The following EXOC6 variants were observed in gnomAD, a reference collection of about 807,000 sequenced individuals.
EXOC6 encodes exocyst complex component 6.
In EXOC6, 60 loss-of-function variants were observed where a neutral mutation model predicts 112.5. That is an observed-to-expected ratio of 0.53 (90% confidence interval 0.43 to 0.66). The LOEUF (loss-of-function observed/expected upper bound fraction) is 0.66. EXOC6 is among the 30% of genes least tolerant of loss of function. The pLI is 0.00. For synonymous variants in EXOC6, 295 were observed against 308.0 expected, an observed-to-expected ratio of 0.96 and a Z score of 0.44; for missense variants, 855 against 957.1, an observed-to-expected ratio of 0.89 and a Z score of 1.41.
At chr10:92,954,019 G>A (rs1015108717) in intron 15 of EXOC6, among the ~76,000 whole-genome samples, 10 of 152,140 alleles carry the variant, frequency 6.6e-5, no homozygotes, top group African/African-American at 1.7e-4. Flanking sequence ...GGTGCCTGAC[G>A]TCTGTAATCC....
At chr10:93,025,663 TTGAA>T (rs1009933083) in intron 20 of EXOC6, among the ~76,000 whole-genome samples, 14 of 152,228 alleles carry the variant, frequency 9.2e-5, no homozygotes, top group African/African-American at 2.7e-4. Context: ...GGTCATTCCT[TTGAA>T]TGATATGTAG....
chr10:93,002,375 T>C (rs1397247159), intron 19 of EXOC6, among the ~76,000 whole-genome samples: 1 of 152,232 alleles, frequency 6.6e-6, no homozygotes, highest in Non-Finnish European at 1.5e-5. Context: ...TTCATATCCT[T>C]AGATACAGAA....
intron 8 of EXOC6, among the ~76,000 whole-genome samples, chr10:92,924,571 T>C (rs1433505306): frequency 2.0e-5 from 3 of 152,236 alleles, no homozygotes; most frequent in Admixed American, 2.0e-4. Context: ...ACCATTCTCT[T>C]TTGTTAAACA....
chr10:92,939,026 G>A (rs1410595277), intron 12 of EXOC6, among the ~76,000 whole-genome samples: 1 of 152,112 alleles, frequency 6.6e-6, no homozygotes, highest in Non-Finnish European at 1.5e-5. Context: ...GTGAAACTGA[G>A]CAGCTTGATG....
At chr10:93,016,370 G>A (rs1844514795) in intron 20 of EXOC6, among the ~76,000 whole-genome samples, 1 of 151,804 alleles carries the variant, frequency 6.6e-6, no homozygotes, top group Non-Finnish European at 1.5e-5. Flanking sequence ...CGAACTCCCG[G>A]CATCAAGTGA....
rs915128286 is a variant in EXOC6 at position 92,853,684 on chromosome 10, A to T, written c.101+5050A>T. 5.3e-5 allele frequency among the ~76,000 whole-genome samples: 8 copies of T among 152,212 alleles called. No individual in the cohort carries two copies. In the South Asian group the frequency reaches 1.0e-3, roughly 20 times the overall value. On this transcript the variant is annotated intron_variant, in intron 1 of 21. Transcript: ENST00000260762. Reference sequence around the variant, plus strand: ...GGTGGTGGAAAAATTGGATATCCTTACATAAAATAATGAACTTTGATCCAT... The same window carrying T: ...GGTGGTGGAAAAATTGGATATCCTTTCATAAAATAATGAACTTTGATCCAT...
intron 1 of EXOC6, among the ~76,000 whole-genome samples, chr10:92,827,156 A>G (rs1305948403): frequency 1.3e-5 from 2 of 152,116 alleles, no homozygotes; most frequent in Non-Finnish European, 2.9e-5. Context: ...GGTGCATTCC[A>G]TGGCCCACAC....
chr10:92,827,349 C>T (rs1282683567), intron 1 of EXOC6, among the ~76,000 whole-genome samples: 1 of 151,508 alleles, frequency 6.6e-6, no homozygotes, highest in East Asian at 1.9e-4. Flanking sequence ...TGGCATATTC[C>T]TGTGGTTTCA....
At chr10:93,032,015 T>C (rs1209401174) in intron 20 of EXOC6, among the ~76,000 whole-genome samples, 2 of 152,244 alleles carry the variant, frequency 1.3e-5, no homozygotes, top group East Asian at 1.9e-4. Flanking sequence ...ACCACTCTTA[T>C]GTTCTACCAC....
intron 1 of EXOC6, among the ~76,000 whole-genome samples, chr10:92,838,143 C>T (rs768120010): frequency 1.2e-4 from 19 of 152,142 alleles, no homozygotes; most frequent in African/African-American, 1.7e-4. Context: ...GGTAACTGAA[C>T]GGCACTTCTT....
At chr10:92,916,548 C>G (rs1851100565) in intron 7 of EXOC6, among the ~76,000 whole-genome samples, 1 of 152,034 alleles carries the variant, frequency 6.6e-6, no homozygotes, top group African/African-American at 2.4e-5. Context: ...CTTACAAGGT[C>G]AATCCAAAAC....
At chr10:92,968,181 C>A (rs1050252275) in intron 17 of EXOC6, among the ~76,000 whole-genome samples, 1 of 75,228 alleles carries the variant, frequency 1.3e-5, no homozygotes, top group Non-Finnish European at 2.4e-5. Flanking sequence ...TAGTGTTTCA[C>A]CTTTTTTTTT....
chr10:92,960,812 C>T (rs928640459), intron 17 of EXOC6, among the ~76,000 whole-genome samples: 5 of 152,056 alleles, frequency 3.3e-5, no homozygotes, highest in African/African-American at 7.2e-5. Flanking sequence ...TTCTTTTACT[C>T]AGCAGGAGTT....
intron 1 of EXOC6, among the ~76,000 whole-genome samples, chr10:92,884,146 G>A (rs1849094110): frequency 6.6e-6 from 1 of 152,082 alleles, no homozygotes; most frequent in Non-Finnish European, 1.5e-5. Context: ...TGATTCACCT[G>A]CCTTGGCCTC....
intron 1 of EXOC6, among the ~76,000 whole-genome samples, chr10:92,885,209 G>A (rs941272500): frequency 6.6e-6 from 1 of 152,108 alleles, no homozygotes; most frequent in Admixed American, 6.5e-5. Context: ...TTCAAGGGTT[G>A]ATATAATGAA....
intron 8 of EXOC6, among the ~76,000 whole-genome samples, chr10:92,926,828 C>T (rs754996383): frequency 8.5e-5 from 13 of 152,174 alleles, no homozygotes; most frequent in East Asian, 1.9e-4. Context: ...CTACTGTGCC[C>T]GGCCCCATAT....
At chr10:92,848,716 C>T (rs1847168593) in intron 1 of EXOC6, 82 bp downstream of exon 1, 2 of 1,112,894 alleles carry the variant, frequency 1.8e-6, no homozygotes, top group Non-Finnish European at 2.2e-6. Flanking sequence ...CGTCCGCCGC[C>T]GGCCGCGCGC....
chr10:92,879,547 T>C (rs1848846024), intron 1 of EXOC6, among the ~76,000 whole-genome samples: 1 of 151,818 alleles, frequency 6.6e-6, no homozygotes, highest in African/African-American at 2.4e-5. Flanking sequence ...TATCCTCATA[T>C]ATGACATCTA....
At chr10:92,993,680 T>C (rs913979064) in intron 18 of EXOC6, among the ~76,000 whole-genome samples, 2 of 152,218 alleles carry the variant, frequency 1.3e-5, no homozygotes, top group African/African-American at 4.8e-5. Context: ...TTTTATGATA[T>C]TTCACAGGAA....
Sources: allele counts gnomAD v4.1 joint callset (sites outside exome capture counted in the v4.1 genomes callset), GRCh38; gene constraint gnomAD v4.1.1; transcripts MANE v1.5; gene names NCBI Gene and HGNC (gene_info 2026-07-23, HGNC 2026-07-21).